Variants in NEGR1 observed in about 807,000 individuals in gnomAD.
NEGR1 encodes the protein IgLON family member 4.
In NEGR1, 10 loss-of-function variants were observed where a neutral mutation model predicts 40.9. The observed-to-expected ratio is 0.24, with a 90% CI of 0.15 to 0.42. NEGR1 has a LOEUF of 0.42. NEGR1 is among the 10% of genes least tolerant of loss of function. The pLI is 1.00. For synonymous variants in NEGR1, 185 were observed against 166.8 expected, an observed-to-expected ratio of 1.11 and a Z score of -0.84; for missense variants, 352 against 438.9, an observed-to-expected ratio of 0.80 and a Z score of 1.77.
chr1:71,612,004 C>T (rs534762443), intron 4 of NEGR1, among the ~76,000 whole-genome samples: 73 of 152,300 alleles, frequency 4.8e-4, no homozygotes, highest in Non-Finnish European at 7.9e-4. Context: ...GGGTGGCCCA[C>T]GAGGTCAGGA....
At chr1:71,624,011 A>G (rs1474005959) in intron 4 of NEGR1, among the ~76,000 whole-genome samples, 1 of 151,848 alleles carries the variant, frequency 6.6e-6, no homozygotes, top group Non-Finnish European at 1.5e-5. Flanking sequence ...TTTGCTCAGG[A>G]ATACATACAC....
At chr1:71,854,246 C>A (rs377228827) in intron 2 of NEGR1, among the ~76,000 whole-genome samples, 129 of 152,122 alleles carry the variant, frequency 8.5e-4, no homozygotes, top group Middle Eastern at 6.8e-3. Flanking sequence ...ACACTGACTG[C>A]AAATTGCTCC....
intron 1 of NEGR1, among the ~76,000 whole-genome samples, chr1:72,079,673 A>G (rs1487456688): frequency 6.6e-6 from 1 of 152,088 alleles, no homozygotes; most frequent in Non-Finnish European, 1.5e-5. Context: ...GGGCCAATCA[A>G]TTTTCTTTTA....
At chr1:71,453,745 T>C (rs1362332188) in intron 6 of NEGR1, among the ~76,000 whole-genome samples, 1 of 152,138 alleles carries the variant, frequency 6.6e-6, no homozygotes, top group African/African-American at 2.4e-5. Flanking sequence ...CTGGAAAATA[T>C]TGTTTGTGTC....
chr1:71,427,797 T>A (rs1239096939), intron 6 of NEGR1, among the ~76,000 whole-genome samples: 1 of 152,188 alleles, frequency 6.6e-6, no homozygotes, highest in African/African-American at 2.4e-5. Flanking sequence ...CCATTTTAAT[T>A]CTAGCATTCT....
At chr1:71,701,874 C>T (rs1359624118) in intron 3 of NEGR1, among the ~76,000 whole-genome samples, 4 of 151,990 alleles carry the variant, frequency 2.6e-5, no homozygotes, top group Non-Finnish European at 5.9e-5. Context: ...TTAATGAAGA[C>T]ATTCATTTTG....
At chr1:71,894,187 C>T (rs368245173) in intron 2 of NEGR1, among the ~76,000 whole-genome samples, 7 of 132,706 alleles carry the variant, frequency 5.3e-5, no homozygotes, top group African/African-American at 2.0e-4. Context: ...CTAACCTGCA[C>T]AATGTGCACA....
At chr1:71,548,480 G>A (rs1479662083) in intron 6 of NEGR1, among the ~76,000 whole-genome samples, 2 of 151,618 alleles carry the variant, frequency 1.3e-5, no homozygotes, top group Non-Finnish European at 3.0e-5. Context: ...CAGAAAAAAG[G>A]AAATGAGATC....
intron 1 of NEGR1, among the ~76,000 whole-genome samples, chr1:71,999,939 T>C (rs1394355609): frequency 6.6e-6 from 1 of 151,694 alleles, no homozygotes; most frequent in East Asian, 1.9e-4. Flanking sequence ...ATTTGAGCCA[T>C]GCATATCCAT....
At chr1:71,748,046 G>C (rs1655446092) in intron 3 of NEGR1, among the ~76,000 whole-genome samples, 1 of 152,076 alleles carries the variant, frequency 6.6e-6, no homozygotes, top group Non-Finnish European at 1.5e-5. Context: ...TGATTATTCT[G>C]TTATTAAAAC....
chr1:71,779,695 G>A (rs1373602024), intron 2 of NEGR1, among the ~76,000 whole-genome samples: 2 of 151,996 alleles, frequency 1.3e-5, no homozygotes, highest in Admixed American at 1.3e-4. Context: ...AGCCTCCGGA[G>A]TAGCTGGGAT....
At chr1:71,444,457 G>C (rs893226365) in intron 6 of NEGR1, among the ~76,000 whole-genome samples, 2 of 152,074 alleles carry the variant, frequency 1.3e-5, no homozygotes, top group African/African-American at 4.8e-5. Context: ...ATAATATTCA[G>C]ATTTCCGTTT....
In NEGR1 at chr1:71,699,084, T is replaced by G. The variant is rs1481764531; in HGVS notation, c.536-945A>C. Among the ~76,000 whole-genome samples, 3 of 151,992 alleles carry G rather than the reference T, an allele frequency of 2.0e-5. No individual in the cohort carries two copies. In the East Asian group the frequency reaches 5.8e-4, roughly 29 times the overall value. On this transcript the variant is annotated intron_variant, in intron 3 of 6. Coordinates refer to ENST00000357731, the MANE Select transcript of NEGR1 (RefSeq NM_173808.3). ...TTCCAGTGCATATCAAAGGGAATTA[T>G]GGAATGAAGCAATGCTTCCATTAAA...
intron 2 of NEGR1, among the ~76,000 whole-genome samples, chr1:71,904,473 T>A (rs1044328053): frequency 2.0e-5 from 3 of 152,064 alleles, no homozygotes; most frequent in Non-Finnish European, 4.4e-5. Flanking sequence ...TCTGATAAAG[T>A]AATATACACT....
chr1:71,931,467 T>G (rs1645854709), intron 2 of NEGR1, among the ~76,000 whole-genome samples: 1 of 142,984 alleles, frequency 7.0e-6, no homozygotes, highest in East Asian at 2.0e-4. Context: ...TGGCTCATAT[T>G]TTTGGGGGCT....
chr1:71,926,481 T>TG (rs1174791258), intron 2 of NEGR1, among the ~76,000 whole-genome samples: 1 of 152,070 alleles, frequency 6.6e-6, no homozygotes. Context: ...TCCAAGACAC[T>TG]GAATTAGAAT....
chr1:71,400,936 T>G lies in NEGR1; in HGVS notation c.*6510A>C. 6.6e-6 allele frequency: 1 copy of G among 152,432 alleles called. No homozygotes were observed. The highest frequency in any genetic ancestry group is 1.5e-5 in the Non-Finnish European group (1 of 68,262). The allele number at this position is 152,432 out of a possible 1,614,324, so 9.4% of individuals were successfully genotyped here. ...TAATCCCAGCTACTGGGGAGGCTGA[T>G]GCAGGAGAATCGCTTGAACCCAGGA... On this transcript the variant is annotated 3_prime_UTR_variant, in exon 7 of 7. Transcript: ENST00000357731.
chr1:71,788,215 G>A (rs760402096), intron 2 of NEGR1, among the ~76,000 whole-genome samples: 4 of 151,976 alleles, frequency 2.6e-5, no homozygotes, highest in Non-Finnish European at 5.9e-5. Context: ...TGTGCCAAGA[G>A]ATAGCAGAGT....
chr1:71,398,739 G>T lies in NEGR1; in HGVS notation c.*8707C>A, dbSNP rs1004411784. On this transcript the variant is annotated 3_prime_UTR_variant, in exon 7 of 7. Coordinates refer to ENST00000357731, the MANE Select transcript of NEGR1 (RefSeq NM_173808.3). Reference sequence around the variant, plus strand: ...GACATGAGATTTGGGAGGGACCAGGGGTGGAATGATATGGTTTGGCTGTGT... The same window carrying T: ...GACATGAGATTTGGGAGGGACCAGGTGTGGAATGATATGGTTTGGCTGTGT... 6.6e-6 allele frequency: 1 copy of T among 152,116 alleles called. No homozygotes were observed. Among genetic ancestry groups the T allele is most frequent in the Non-Finnish European group, 1.5e-5 (1 of 68,038 alleles). The allele number at this position is 152,116 out of a possible 1,614,324, so 9.4% of individuals were successfully genotyped here.
Sources: gnomAD v4.1 joint callset for allele counts (sites outside exome capture counted in the v4.1 genomes callset) on GRCh38, gnomAD v4.1.1 for gene constraint, MANE v1.5 for transcripts, NCBI Gene and HGNC (gene_info 2026-07-23, HGNC 2026-07-21) for gene names.